COL25A1: variants seen among roughly 807,000 people sequenced by gnomAD.
COL25A1 encodes collagen alpha-1(XXV) chain.
Under a neutral mutation model 128.4 loss-of-function variants are expected in COL25A1, and 103 were observed. The observed-to-expected ratio is 0.80, with a 90% CI of 0.68 to 0.94. The LOEUF (loss-of-function observed/expected upper bound fraction) is 0.94. Among genes scored for constraint, COL25A1 ranks in the 40% least tolerant of loss-of-function variants. The pLI is 0.00. For missense variants in COL25A1, 745 were observed against 840.0 expected, an observed-to-expected ratio of 0.89 and a Z score of 1.40; for synonymous variants, 279 against 277.2, an observed-to-expected ratio of 1.01 and a Z score of -0.06.
intron 11 of COL25A1, among the ~76,000 whole-genome samples, chr4:108,923,036 C>A (rs1024400517): frequency 4.6e-5 from 7 of 152,108 alleles, no homozygotes; most frequent in Non-Finnish European, 8.8e-5. Context: ...CACACACACA[C>A]GTGTGCGCAT....
chr4:109,222,059 CTTT>C (rs3041336), intron 3 of COL25A1, among the ~76,000 whole-genome samples: 1 of 85,762 alleles, frequency 1.2e-5, no homozygotes, highest in Non-Finnish European at 2.0e-5. Flanking sequence ...TAAATAACTT[CTTT>C]TTTTTTTTTT....
At chr4:109,153,961 T>C (rs756045906) in intron 3 of COL25A1, among the ~76,000 whole-genome samples, 10 of 152,230 alleles carry the variant, frequency 6.6e-5, no homozygotes, top group South Asian at 2.1e-4. Context: ...TGCCTGACTG[T>C]ACTACCAACA....
chr4:108,885,255 C>G (rs1164474486), intron 18 of COL25A1, among the ~76,000 whole-genome samples: 1 of 152,142 alleles, frequency 6.6e-6, no homozygotes, highest in African/African-American at 2.4e-5. Flanking sequence ...TAAGTTCAAC[C>G]AGAAGTTTCA....
chr4:109,137,322 T>G (rs769034106), intron 3 of COL25A1, among the ~76,000 whole-genome samples: 2 of 152,194 alleles, frequency 1.3e-5, no homozygotes, highest in Non-Finnish European at 2.9e-5. Flanking sequence ...AAATAAAAAC[T>G]TAAGCAAACA....
At chr4:108,840,441 T>C (rs1734314366) in intron 31 of COL25A1, among the ~76,000 whole-genome samples, 1 of 152,020 alleles carries the variant, frequency 6.6e-6, no homozygotes, top group Non-Finnish European at 1.5e-5. Context: ...CTGGCCTTAC[T>C]GGAAGGTAAG....
chr4:108,860,967 T>C lies in COL25A1; in HGVS notation c.1202A>G (p.Asp401Gly), dbSNP rs1389600490. The C allele has an allele frequency of 1.2e-6, 2 of 1,613,232 alleles. No homozygotes were observed. Among genetic ancestry groups the C allele is most frequent in the African/African-American group, 1.3e-5 (1 of 74,842 alleles). Residue 401 changes from aspartate to glycine, a missense_variant, in exon 23 of 38, where the codon GAT becomes GGT. This residue lies in a region of COL25A1 where 387 missense variants were observed against 441.9 expected (regional missense o/e 0.88). Transcript: ENST00000399132. ...TCCAGAGTCCCCTTTTTCTCCACGA[T>C]CCCCCTTTTCCCGTTGGAAAGAGAA... ...GTRGPKGSKG[D>G]RGEKGDSGAQ...
intron 19 of COL25A1, among the ~76,000 whole-genome samples, chr4:108,872,705 C>CACACATATACATATATACACACACACAT: frequency 6.6e-6 from 1 of 151,718 alleles, no homozygotes; most frequent in South Asian, 2.1e-4. Context: ...CACACACACA[C>CACACATATACATATATACACACACACAT]ACATATACAT....
intron 19 of COL25A1, among the ~76,000 whole-genome samples, 157 bp from the exon 20 acceptor site, chr4:108,869,307 T>C (rs1451163723): frequency 6.6e-6 from 1 of 152,242 alleles, no homozygotes; most frequent in Non-Finnish European, 1.5e-5. Flanking sequence ...ACTTGCCCTA[T>C]GTACTTCTTC....
At chr4:109,240,595 A>G (rs955763412) in intron 3 of COL25A1, among the ~76,000 whole-genome samples, 1 of 152,052 alleles carries the variant, frequency 6.6e-6, no homozygotes, top group Non-Finnish European at 1.5e-5. Context: ...TTCATCACTC[A>G]TTGAATTCAC....
At chr4:108,869,211 A>T (rs1349959097) in intron 19 of COL25A1, 61 bp from the exon 20 acceptor site, 2 of 786,886 alleles carry the variant, frequency 2.5e-6, no homozygotes, top group Non-Finnish European at 3.7e-6. Flanking sequence ...TAAATAAATA[A>T]ATAAATAAAT....
At chr4:108,954,970 G>A (rs1485287559) in intron 8 of COL25A1, among the ~76,000 whole-genome samples, 1 of 150,360 alleles carries the variant, frequency 6.7e-6, no homozygotes, top group African/African-American at 2.4e-5. Flanking sequence ...ATGGGTCTTC[G>A]ATTTCAGTAC....
At chr4:109,226,508 T>C (rs1168186375) in intron 3 of COL25A1, among the ~76,000 whole-genome samples, 1 of 152,144 alleles carries the variant, frequency 6.6e-6, no homozygotes, top group Non-Finnish European at 1.5e-5. Flanking sequence ...GGCTTATCTC[T>C]TATCAGTCCC....
At chr4:109,049,435 T>C (rs1760779618) in intron 4 of COL25A1, among the ~76,000 whole-genome samples, 1 of 152,182 alleles carries the variant, frequency 6.6e-6, no homozygotes, top group South Asian at 2.1e-4. Context: ...GGGGATTTGT[T>C]TTACATATAG....
chr4:108,880,835 CA>C, intron 19 of COL25A1, among the ~76,000 whole-genome samples: 1 of 152,058 alleles, frequency 6.6e-6, no homozygotes, highest in Non-Finnish European at 1.5e-5. Context: ...TTACATTTTT[CA>C]AAATAAGTGT....
chr4:109,056,936 T>C (rs1311993020), intron 3 of COL25A1, among the ~76,000 whole-genome samples: 1 of 152,248 alleles, frequency 6.6e-6, no homozygotes, highest in African/African-American at 2.4e-5. Flanking sequence ...AATAGCTCAC[T>C]GTAACCTCAA....
In COL25A1 at chr4:108,972,512, C is replaced by T. The variant is rs17039600; in HGVS notation, c.492+1855G>A. The stretch of plus-strand genomic sequence containing the variant: ...AAATTCTAAGAGCACTGAATGAGAC[C>T]TGCTTGGAATCTGAGAAAAGACAGG... On this transcript the variant is annotated intron_variant, in intron 8 of 37. Coordinates refer to ENST00000399132, the MANE Select transcript of COL25A1 (RefSeq NM_198721.4). 5.8e-3 allele frequency among the ~76,000 whole-genome samples: 883 copies of T among 152,098 alleles called. 13 individuals carry two copies. The highest frequency in any genetic ancestry group is 0.021 in the African/African-American group (851 of 41,486).
intron 3 of COL25A1, among the ~76,000 whole-genome samples, chr4:109,084,305 T>C (rs1764165139): frequency 2.0e-5 from 3 of 152,184 alleles, no homozygotes; most frequent in African/African-American, 7.2e-5. Context: ...AAGACAAAAA[T>C]GAATAAATTA....
intron 3 of COL25A1, among the ~76,000 whole-genome samples, chr4:109,168,011 T>C (rs1458925443): frequency 1.3e-5 from 2 of 152,134 alleles, no homozygotes; most frequent in African/African-American, 2.4e-5. Context: ...GGGATAACAG[T>C]AATAGTTGGT....
In COL25A1 at chr4:108,940,644, A is replaced by G; in HGVS notation, c.567T>C (p.Gly189=). Residue 189 remains glycine (G), a splice_region_variant and synonymous_variant, in exon 10 of 38, where the codon GGT becomes GGC. Coordinates refer to ENST00000399132, the MANE Select transcript of COL25A1 (RefSeq NM_198721.4). ...QQLIKRRLIK[G]DQGQAGPPGP... ...CTGGAGGCCCTGCCTGTCCTTGGTC[A>G]CCCTGTGATGGAGAAGGGAACAGAC... 1 of 1,585,392 alleles carries G rather than the reference A, an allele frequency of 6.3e-7. No individual in the cohort carries two copies. Among genetic ancestry groups the G allele is most frequent in the Non-Finnish European group, 8.6e-7 (1 of 1,167,086 alleles).
Sources: allele counts gnomAD v4.1 joint callset (sites outside exome capture counted in the v4.1 genomes callset), GRCh38; gene constraint gnomAD v4.1.1; regional missense constraint gnomAD v4.1.1; transcripts MANE v1.5; gene names NCBI Gene and HGNC (gene_info 2026-07-23, HGNC 2026-07-21).